Variants in CDON observed in about 807,000 individuals in gnomAD.
CDON encodes the protein cell adhesion molecule-related/down-regulated by oncogenes.
Under a neutral mutation model 120.9 loss-of-function variants are expected in CDON, and 73 were observed. The ratio of observed to expected loss-of-function variants is 0.60; its 90% CI spans 0.50 to 0.73. The LOEUF (loss-of-function observed/expected upper bound fraction) is 0.73, where lower values mean the gene tolerates loss of function less well. Ranked by LOEUF, CDON falls within the 30% of genes least tolerant of loss-of-function variation. The probability of loss-of-function intolerance (pLI) is 0.00; values close to 1 mark genes in which losing one functional copy is unlikely to be tolerated. For missense variants in CDON, 1,470 were observed against 1,587.3 expected, an observed-to-expected ratio of 0.93 and a Z score of 1.26; for synonymous variants, 566 against 573.5, an observed-to-expected ratio of 0.99 and a Z score of 0.19.
intron 1 of CDON, among the ~76,000 whole-genome samples, chr11:126,047,513 A>G (rs1948434149): frequency 6.6e-6 from 1 of 152,200 alleles, no homozygotes; most frequent in Admixed American, 6.5e-5. Context: ...ATAAGATCAC[A>G]TTTTGTCAAT....
chr11:126,007,337 C>T (rs1947156831), intron 8 of CDON, among the ~76,000 whole-genome samples: 1 of 152,308 alleles, frequency 6.6e-6, no homozygotes, highest in East Asian at 1.9e-4. Flanking sequence ...CATCCTCCAT[C>T]AGAGAAAACA....
At chr11:126,024,182 G>C (rs1460261424) in intron 1 of CDON, among the ~76,000 whole-genome samples, 1 of 152,220 alleles carries the variant, frequency 6.6e-6, no homozygotes. Context: ...GGCTGGACCA[G>C]ATCACATTCA....
intron 1 of CDON, among the ~76,000 whole-genome samples, chr11:126,057,617 G>A (rs1444928312): frequency 6.6e-6 from 1 of 152,162 alleles, no homozygotes; most frequent in Non-Finnish European, 1.5e-5. Flanking sequence ...TCTGGGTACT[G>A]GTTACCACAG....
chr11:126,028,364 A>C (rs1947851660), intron 1 of CDON, among the ~76,000 whole-genome samples: 1 of 150,350 alleles, frequency 6.7e-6, no homozygotes, highest in East Asian at 2.0e-4. Flanking sequence ...ATTTTTCCTT[A>C]TTAAAATTCT....
At chr11:125,976,902 C>T (rs1006567375) in intron 18 of CDON, among the ~76,000 whole-genome samples, 2 of 152,192 alleles carry the variant, frequency 1.3e-5, no homozygotes, top group African/African-American at 4.8e-5. Context: ...AGCTATGTCA[C>T]AGCCCAGGTC....
Position 126,006,070 on chromosome 11 carries a change from A to G in CDON, c.1553-13T>C. 6.2e-7 allele frequency: 1 copy of G among 1,612,990 alleles called. No individual in the cohort carries two copies. The highest frequency in any genetic ancestry group is 8.5e-7 in the Non-Finnish European group (1 of 1,179,474). ...GTTTCAAAAGGAACTGCAGGGAGAG[A>G]GAGAGGAGACAGCTTGAAGATACTC... is the stretch of plus-strand genomic sequence containing the variant. On this transcript the variant is annotated splice_polypyrimidine_tract_variant and intron_variant, in intron 8 of 19. Transcript: ENST00000531738.
chr11:126,013,824 T>C (rs2134649049), intron 7 of CDON, among the ~76,000 whole-genome samples: 1 of 152,220 alleles, frequency 6.6e-6, no homozygotes. Flanking sequence ...TTTTTTTCTT[T>C]CTTTGAATCT....
chr11:126,048,289 A>AAAAAG (rs1555139798), intron 1 of CDON, among the ~76,000 whole-genome samples: 1 of 151,782 alleles, frequency 6.6e-6, no homozygotes, highest in Admixed American at 6.6e-5. Flanking sequence ...TCTCAAAAAA[A>AAAAAG]AAAAAAAGAA....
chr11:125,994,560 G>A (rs537827860), intron 13 of CDON, among the ~76,000 whole-genome samples, 171 bp from the exon 14 acceptor site: 4 of 152,248 alleles, frequency 2.6e-5, no homozygotes, highest in Admixed American at 2.0e-4. Flanking sequence ...AGCTTATTGC[G>A]AGGTTAAACA....
chr11:126,036,085 C>T (rs1181493739), intron 1 of CDON, among the ~76,000 whole-genome samples: 3 of 152,128 alleles, frequency 2.0e-5, no homozygotes, highest in Non-Finnish European at 2.9e-5. Context: ...ATACATACTA[C>T]TAAAAAAACA....
intron 1 of CDON, among the ~76,000 whole-genome samples, chr11:126,059,082 T>G (rs1948738477): frequency 6.6e-6 from 1 of 152,252 alleles, no homozygotes; most frequent in Admixed American, 6.5e-5. Context: ...AAAACAAGCA[T>G]TTCATCACTG....
At chr11:126,029,320 AAAC>A (rs1947887105) in intron 1 of CDON, among the ~76,000 whole-genome samples, 1 of 152,224 alleles carries the variant, frequency 6.6e-6, no homozygotes, top group African/African-American at 2.4e-5. Context: ...CAATGACAAA[AAAC>A]AACGTGGACA....
chr11:126,017,058 T>C (rs758093741), intron 6 of CDON, 30 bp downstream of exon 6: 2 of 1,601,422 alleles, frequency 1.2e-6, no homozygotes, highest in East Asian at 2.2e-5. Context: ...AATGGCTTCA[T>C]TTGAAAAAAA....
intron 1 of CDON, among the ~76,000 whole-genome samples, chr11:126,050,812 C>T (rs1465947950): frequency 6.6e-6 from 1 of 152,072 alleles, no homozygotes; most frequent in Non-Finnish European, 1.5e-5. Flanking sequence ...TTCTTATAGT[C>T]TGCAGGGCAC....
chr11:125,985,618 T>C (rs1386859985), intron 15 of CDON, among the ~76,000 whole-genome samples: 1 of 152,202 alleles, frequency 6.6e-6, no homozygotes, highest in Non-Finnish European at 1.5e-5. Flanking sequence ...GCTGTTATTA[T>C]TGCTTATTAT....
chr11:125,975,564 A>G (rs676172), intron 18 of CDON, among the ~76,000 whole-genome samples: 141,375 of 152,222 alleles, frequency 0.93, 65,687 homozygotes, highest in East Asian at 0.99. Flanking sequence ...TTCACAGCCG[A>G]TCAAATTATT....
intron 14 of CDON, among the ~76,000 whole-genome samples, chr11:125,991,165 T>C (rs549708998): frequency 8.5e-5 from 13 of 152,254 alleles, no homozygotes; most frequent in African/African-American, 2.6e-4. Context: ...AAGAGAAAAA[T>C]AGTTAAAATG....
At chr11:126,052,333 A>C (rs762046397) in intron 1 of CDON, among the ~76,000 whole-genome samples, 7 of 152,220 alleles carry the variant, frequency 4.6e-5, no homozygotes, top group Non-Finnish European at 7.3e-5. Context: ...TCATACTATG[A>C]AAAAGAAAGT....
At chr11:126,029,555 CATAT>C (rs10588981) in intron 1 of CDON, among the ~76,000 whole-genome samples, 1,745 of 150,694 alleles carry the variant, frequency 0.012, 31 homozygotes, top group African/African-American at 0.04. Flanking sequence ...GTCCATGTAA[CATAT>C]ATATATATAT....
Sources: gnomAD v4.1 joint callset for allele counts (sites outside exome capture counted in the v4.1 genomes callset) on GRCh38, gnomAD v4.1.1 for gene constraint, MANE v1.5 for transcripts, NCBI Gene and HGNC (gene_info 2026-07-23, HGNC 2026-07-21) for gene names.